The following SGCZ variants were observed in gnomAD, a reference collection of about 807,000 sequenced individuals.
The protein encoded by SGCZ is zeta-sarcoglycan.
A neutral mutation model predicts 41.3 loss-of-function variants in SGCZ; 40 were observed. That is an observed-to-expected ratio of 0.97 (90% CI 0.75 to 1.26). The LOEUF is 1.26. SGCZ is among the 50% of genes most tolerant of loss of function. The probability of loss-of-function intolerance (pLI) is 0.00; values close to 1 mark genes in which losing one functional copy is unlikely to be tolerated. For synonymous variants in SGCZ, 206 were observed against 137.5 expected (o/e 1.50, Z -3.49); for missense variants, 552 against 369.8 (o/e 1.49, Z -4.04).
intron 4 of SGCZ, among the ~76,000 whole-genome samples, chr8:14,225,064 T>C (rs1373468150): frequency 1.3e-5 from 2 of 152,160 alleles, no homozygotes; most frequent in African/African-American, 2.4e-5. Flanking sequence ...TTAAAGCTAC[T>C]TATTCCTAAG....
At chr8:14,468,510 T>G (rs1390833444) in intron 2 of SGCZ, among the ~76,000 whole-genome samples, 1 of 152,128 alleles carries the variant, frequency 6.6e-6, no homozygotes, top group Non-Finnish European at 1.5e-5. Context: ...GATCTTATCT[T>G]CTAGTTTATT....
chr8:14,522,223 T>C (rs1016583193), intron 2 of SGCZ, among the ~76,000 whole-genome samples: 1 of 151,990 alleles, frequency 6.6e-6, no homozygotes, highest in East Asian at 1.9e-4. Flanking sequence ...TGGTTTGTAG[T>C]TTTAGTTTTT....
chr8:14,911,425 G>C (rs1172051336), intron 1 of SGCZ, among the ~76,000 whole-genome samples: 2 of 152,000 alleles, frequency 1.3e-5, no homozygotes, highest in African/African-American at 4.8e-5. Flanking sequence ...TGAATCAAGA[G>C]CAGCTGCACA....
At position 14,962,808 on chromosome 8, in the gene SGCZ, G is replaced by A. The variant is rs367706012; in HGVS notation, c.39+274777C>T. ...AGTGTCCCGCATTAAGAAATTCGTC[G>A]TGATAAGATATGCAGAACAAGGGAG... On this transcript the variant is annotated intron_variant, in intron 1 of 7. Coordinates refer to ENST00000382080, the MANE Select transcript of SGCZ (RefSeq NM_139167.4). 2.0e-3 allele frequency among the ~76,000 whole-genome samples: 311 copies of A among 152,250 alleles called. 3 individuals are homozygous for A. The highest frequency in any genetic ancestry group is 7.2e-3 in the African/African-American group (300 of 41,558).
At chr8:14,458,763 T>C (rs1268928619) in intron 2 of SGCZ, among the ~76,000 whole-genome samples, 2 of 152,106 alleles carry the variant, frequency 1.3e-5, no homozygotes, top group Non-Finnish European at 2.9e-5. Flanking sequence ...TAAAAGGGCC[T>C]AGTAGCAATG....
intron 1 of SGCZ, among the ~76,000 whole-genome samples, chr8:14,586,738 A>G (rs1805071466): frequency 6.6e-6 from 1 of 152,176 alleles, no homozygotes; most frequent in South Asian, 2.1e-4. Context: ...TGTATTGTAT[A>G]TCACTTTCTT....
chr8:15,134,419 G>A, intron 1 of SGCZ, among the ~76,000 whole-genome samples: 1 of 151,724 alleles, frequency 6.6e-6, no homozygotes, highest in East Asian at 1.9e-4. Context: ...ATGCCCAAGG[G>A]TACATTCACT....
chr8:14,836,417 T>C (rs1440355018), intron 1 of SGCZ, among the ~76,000 whole-genome samples: 1 of 152,202 alleles, frequency 6.6e-6, no homozygotes, highest in Non-Finnish European at 1.5e-5. Flanking sequence ...TATGTTACAT[T>C]TTATTTCCCT....
At chr8:15,085,094 G>A (rs1156570212) in intron 1 of SGCZ, among the ~76,000 whole-genome samples, 1 of 152,062 alleles carries the variant, frequency 6.6e-6, no homozygotes, top group Non-Finnish European at 1.5e-5. Flanking sequence ...CAATTATCCT[G>A]GCTTTGATGA....
chr8:14,504,117 A>T (rs1802235173), intron 2 of SGCZ, among the ~76,000 whole-genome samples: 1 of 151,802 alleles, frequency 6.6e-6, no homozygotes, highest in Admixed American at 6.6e-5. Context: ...TTTTTATTTC[A>T]TGACTGATGA....
chr8:14,179,057 A>C (rs181269144), intron 4 of SGCZ, among the ~76,000 whole-genome samples: 9 of 152,294 alleles, frequency 5.9e-5, no homozygotes, highest in Non-Finnish European at 1.2e-4. Context: ...ATGCTTGTAC[A>C]CTTGCCCCGG....
Position 14,578,939 on chromosome 8 carries a change from CGTTT to C in SGCZ, c.40-24017_40-24014del, listed in dbSNP as rs1563128502. Among the ~76,000 whole-genome samples, 13 of 152,080 alleles carry C rather than the reference CGTTT, an allele frequency of 8.5e-5. No homozygotes were observed. In the East Asian group the frequency reaches 2.5e-3, roughly 29 times the overall value. On this transcript the variant is annotated intron_variant, in intron 1 of 7. Coordinates refer to ENST00000382080, the MANE Select transcript of SGCZ (RefSeq NM_139167.4). ...GATCACTCTTTTCCTACTCTTCTGT[CGTTT>C]ACTTTAGGATCTAGGAAGGATAAAT...
chr8:14,987,063 A>T (rs1433740301), intron 1 of SGCZ, among the ~76,000 whole-genome samples: 1 of 151,948 alleles, frequency 6.6e-6, no homozygotes, highest in Non-Finnish European at 1.5e-5. Flanking sequence ...TGAAGTTCAA[A>T]TTTAACTATT....
intron 1 of SGCZ, among the ~76,000 whole-genome samples, chr8:14,624,571 T>TTA (rs1806391479): frequency 7.7e-6 from 1 of 130,448 alleles, no homozygotes; most frequent in East Asian, 2.3e-4. Context: ...TTTTTTTTTT[T>TTA]TTTTTTTTTT....
chr8:14,202,746 A>T, intron 4 of SGCZ, among the ~76,000 whole-genome samples: 1 of 152,286 alleles, frequency 6.6e-6, no homozygotes, highest in Non-Finnish European at 1.5e-5. Context: ...TTACAAAGTC[A>T]TCTTCTTCCT....
chr8:15,108,186 T>C (rs970761104), intron 1 of SGCZ, among the ~76,000 whole-genome samples: 3 of 152,242 alleles, frequency 2.0e-5, no homozygotes, highest in Non-Finnish European at 4.4e-5. Flanking sequence ...GCTGCTCTTT[T>C]AATAACTTAA....
chr8:15,080,759 T>A (rs1805715381), intron 1 of SGCZ, among the ~76,000 whole-genome samples: 1 of 151,864 alleles, frequency 6.6e-6, no homozygotes, highest in Non-Finnish European at 1.5e-5. Context: ...CTCAGCTAAT[T>A]TTTTTTGTAT....
At chr8:15,081,713 C>T (rs544351823) in intron 1 of SGCZ, among the ~76,000 whole-genome samples, 37 of 152,150 alleles carry the variant, frequency 2.4e-4, no homozygotes, top group Middle Eastern at 3.4e-3. Flanking sequence ...GCCAAATTTT[C>T]GGATTTTTCT....
At chr8:14,915,538 TTCCCTCC>T (rs1799409079) in intron 1 of SGCZ, among the ~76,000 whole-genome samples, 1 of 152,134 alleles carries the variant, frequency 6.6e-6, no homozygotes. Context: ...CGGCCCCATC[TTCCCTCC>T]TCTTTGTCAG....
Sources: gnomAD v4.1 joint callset for allele counts (sites outside exome capture counted in the v4.1 genomes callset) on GRCh38, gnomAD v4.1.1 for gene constraint, MANE v1.5 for transcripts, NCBI Gene and HGNC (gene_info 2026-07-23, HGNC 2026-07-21) for gene names.